NRCAM: variants seen among roughly 807,000 people sequenced by gnomAD.
NRCAM encodes the protein NgCAM-related cell adhesion molecule.
NRCAM carries 83 observed loss-of-function variants against 156.5 expected under a neutral mutation model. The ratio of observed to expected loss-of-function variants is 0.53; its 90% CI spans 0.44 to 0.64. NRCAM has a LOEUF of 0.64. Ranked by LOEUF, NRCAM falls within the 30% of genes least tolerant of loss-of-function variation. The probability of loss-of-function intolerance (pLI) is 0.00; values close to 1 mark genes in which losing one functional copy is unlikely to be tolerated. For synonymous variants in NRCAM, 538 were observed against 563.9 expected (o/e 0.95, Z 0.65); for missense variants, 1,417 against 1,597.3 (o/e 0.89, Z 1.92).
Position 108,371,097 on chromosome 7 carries a change from G to T in NRCAM, c.-174+28339C>A, listed in dbSNP as rs541773576. On this transcript the variant is annotated intron_variant, in intron 2 of 32. Coordinates refer to ENST00000379028, the MANE Select transcript of NRCAM (RefSeq NM_001037132.4). ...TGTTTTCTTCAGATGAAAAACAAAA[G>T]CTAGACCAAGGATAACTCAGATTTC... is the stretch of plus-strand genomic sequence containing the variant. 1.7e-4 allele frequency among the ~76,000 whole-genome samples: 26 copies of T among 152,196 alleles called. No homozygotes were observed. The South Asian group carries it at 2.5e-3, about 15-fold the overall frequency.
At chr7:108,195,668 T>C in intron 15 of NRCAM, 93 bp downstream of exon 15, 7 of 668,000 alleles carry the variant, frequency 1.0e-5, no homozygotes, top group Non-Finnish European at 1.8e-5. Flanking sequence ...TGCCTTTCCC[T>C]GTTTGTTTTT....
In NRCAM at chr7:108,176,514, G is replaced by A. The variant is rs372880188; in HGVS notation, c.3067C>T (p.Arg1023Ter). The change falls in exon 27 of 33, where the codon CGA becomes TGA. Residue 1023 changes from arginine to a stop codon, truncating the protein, a stop_gained. Coordinates refer to ENST00000379028, the MANE Select transcript of NRCAM (RefSeq NM_001037132.4). LOFTEE classifies it high-confidence loss of function. Reference sequence around the variant, plus strand: ...TGTGCATAGAAATAAAACTTATATCGAGTGCTGAAATTTAAATTTTTTAAA... The same window carrying A: ...TGTGCATAGAAATAAAACTTATATCAAGTGCTGAAATTTAAATTTTTTAAA... ...WTLKNLNFST[R>*]YKFYFYAQTS... 9.3e-6 allele frequency: 15 copies of A among 1,613,274 alleles called. No individual in the cohort carries two copies. The highest frequency in any genetic ancestry group is 1.2e-5 in the Non-Finnish European group (14 of 1,179,654).
chr7:108,349,100 A>T (rs1311340350), intron 2 of NRCAM, among the ~76,000 whole-genome samples: 1 of 152,126 alleles, frequency 6.6e-6, no homozygotes, highest in African/African-American at 2.4e-5. Flanking sequence ...AATTGGGCTG[A>T]TGAGTAATAG....
intron 10 of NRCAM, among the ~76,000 whole-genome samples, chr7:108,225,421 T>C (rs908778817): frequency 3.9e-5 from 6 of 152,304 alleles, no homozygotes; most frequent in African/African-American, 1.2e-4. Flanking sequence ...CGCAAACAGT[T>C]ACAACAGGTT....
chr7:108,284,434 G>A (rs1209344488), intron 3 of NRCAM, among the ~76,000 whole-genome samples: 1 of 152,106 alleles, frequency 6.6e-6, no homozygotes, highest in Non-Finnish European at 1.5e-5. Context: ...GTACCCTCCA[G>A]TCCATTCTCC....
chr7:108,157,592 A>T (rs1046022011), intron 32 of NRCAM, among the ~76,000 whole-genome samples: 5 of 152,274 alleles, frequency 3.3e-5, no homozygotes, highest in African/African-American at 1.2e-4. Context: ...CAGGGGGTAC[A>T]TGTGCAAGTT....
At chr7:108,368,418 C>T (rs1208910904) in intron 2 of NRCAM, among the ~76,000 whole-genome samples, 4 of 152,020 alleles carry the variant, frequency 2.6e-5, no homozygotes, top group Non-Finnish European at 4.4e-5. Context: ...CACACGCATA[C>T]ATACACACTT....
In NRCAM at chr7:108,254,741, A is replaced by G. The variant is rs934505588; in HGVS notation, c.-106-14571T>C. ...GTTTTTTTTATTACTTGTAGAGACC[A>G]GGTTTCACTATATTACCCAGACTGG... On this transcript the variant is annotated intron_variant, in intron 3 of 32. Transcript: ENST00000379028. Among the ~76,000 whole-genome samples, 6 of 152,074 alleles carry G rather than the reference A, an allele frequency of 3.9e-5. No homozygotes were observed. The East Asian group carries it at 1.2e-3, about 29-fold the overall frequency.
At chr7:108,234,562 C>G (rs1218125869) in intron 6 of NRCAM, 21 bp downstream of exon 6, 1 of 1,385,626 alleles carries the variant, frequency 7.2e-7, no homozygotes, top group African/African-American at 1.4e-5. Flanking sequence ...AGTACTATAA[C>G]AAAGCAGAAT....
At chr7:108,203,021 C>T (rs1240816891) in intron 13 of NRCAM, among the ~76,000 whole-genome samples, 1 of 152,170 alleles carries the variant, frequency 6.6e-6, no homozygotes, top group African/African-American at 2.4e-5. Flanking sequence ...GGCACAGGCT[C>T]TCCAGTGGGG....
chr7:108,184,060 G>A (rs915745054), intron 22 of NRCAM, among the ~76,000 whole-genome samples, 181 bp downstream of exon 22: 7 of 151,888 alleles, frequency 4.6e-5, no homozygotes, highest in Non-Finnish European at 1.0e-4. Flanking sequence ...CAGAGCTCAA[G>A]CTTTTAGCAA....
At chr7:108,405,993 A>C (rs1012816880) in intron 1 of NRCAM, among the ~76,000 whole-genome samples, 5 of 151,460 alleles carry the variant, frequency 3.3e-5, no homozygotes, top group African/African-American at 1.2e-4. Context: ...GATACTTTAC[A>C]GTCTAAGAAG....
chr7:108,295,890 G>T (rs191948684), intron 3 of NRCAM, among the ~76,000 whole-genome samples: 2 of 152,320 alleles, frequency 1.3e-5, no homozygotes, highest in Admixed American at 1.3e-4. Context: ...GAGGAGTGGT[G>T]AGGAACAGGG....
chr7:108,301,922 T>C (rs2098628229), intron 3 of NRCAM, among the ~76,000 whole-genome samples: 1 of 152,082 alleles, frequency 6.6e-6, no homozygotes, highest in Non-Finnish European at 1.5e-5. Flanking sequence ...TTGTACATGC[T>C]CTAGGGTTAA....
chr7:108,276,086 G>T (rs988726681), intron 3 of NRCAM, among the ~76,000 whole-genome samples: 1 of 152,168 alleles, frequency 6.6e-6, no homozygotes, highest in Non-Finnish European at 1.5e-5. Context: ...TGATTGCACT[G>T]TGGTCTGAGA....
chr7:108,227,561 G>T (rs1261139414), intron 8 of NRCAM, among the ~76,000 whole-genome samples: 1 of 152,164 alleles, frequency 6.6e-6, no homozygotes. Flanking sequence ...AAGTTATTTA[G>T]AGGGAAGATT....
At chr7:108,435,027 A>G (rs1175713161) in intron 1 of NRCAM, among the ~76,000 whole-genome samples, 2 of 18,104 alleles carry the variant, frequency 1.1e-4, no homozygotes, top group Non-Finnish European at 1.9e-4. Flanking sequence ...TGACTCATAC[A>G]TGGTAGGAAA....
In NRCAM at chr7:108,153,386, C is replaced by T. The variant is rs150800538; in HGVS notation, c.3678-3239G>A. On this transcript the variant is annotated intron_variant, in intron 32 of 32. Transcript: ENST00000379028. Reference sequence around the variant, plus strand: ...ATTTAGAAAGAGGTATATGAAAAAACTCAACACCCATTCATGATAAAAACA... The same window carrying T: ...ATTTAGAAAGAGGTATATGAAAAAATTCAACACCCATTCATGATAAAAACA... 6.5e-4 allele frequency among the ~76,000 whole-genome samples: 99 copies of T among 151,706 alleles called. 1 individual carries two copies. In the East Asian group the frequency reaches 0.018, roughly 28 times the overall value.
At chr7:108,208,840 C>T (rs971425371) in intron 12 of NRCAM, among the ~76,000 whole-genome samples, 3 of 152,058 alleles carry the variant, frequency 2.0e-5, no homozygotes, top group African/African-American at 7.3e-5. Context: ...TCAAACATGA[C>T]TTATTATTAT....
Sources: gnomAD v4.1 joint callset for allele counts (sites outside exome capture counted in the v4.1 genomes callset) on GRCh38, gnomAD v4.1.1 for gene constraint, MANE v1.5 for transcripts, NCBI Gene and HGNC (gene_info 2026-07-23, HGNC 2026-07-21) for gene names.